Variants in SNX29 observed in about 807,000 individuals in gnomAD.
SNX29 encodes the protein sorting nexin-29.
In SNX29, 78 loss-of-function variants were observed where a neutral mutation model predicts 102.1. The observed-to-expected ratio is 0.76, with a 90% CI of 0.64 to 0.92. The LOEUF is 0.92. Among genes scored for constraint, SNX29 ranks in the 40% least tolerant of loss-of-function variants. The probability of loss-of-function intolerance (pLI) is 0.00; values close to 1 mark genes in which losing one functional copy is unlikely to be tolerated. For synonymous variants in SNX29, 580 were observed against 414.5 expected (o/e 1.40, Z -4.85); for missense variants, 1,280 against 1,061.7 (o/e 1.21, Z -2.86).
At chr16:12,543,745 C>G (rs1207969394) in intron 20 of SNX29, among the ~76,000 whole-genome samples, 2 of 152,186 alleles carry the variant, frequency 1.3e-5, no homozygotes, top group African/African-American at 4.8e-5. Context: ...GTGGAGTTGA[C>G]TGGGGGAGAT....
At chr16:12,543,097 G>C (rs547426292) in intron 20 of SNX29, among the ~76,000 whole-genome samples, 1 of 152,240 alleles carries the variant, frequency 6.6e-6, no homozygotes, top group Non-Finnish European at 1.5e-5. Context: ...CTGGTGGAAA[G>C]ATGGATCCTG....
chr16:12,088,197 C>A, intron 11 of SNX29: 1 of 443,262 alleles, frequency 2.3e-6, no homozygotes, highest in Non-Finnish European at 4.5e-6. Context: ...TAGAGAGAGA[C>A]AGGAGAGGCA....
intron 14 of SNX29, among the ~76,000 whole-genome samples, chr16:12,239,639 C>CAAAAAAAAAAAAAAAAAAAA (rs61024203): frequency 1.6e-5 from 1 of 62,568 alleles, no homozygotes; most frequent in African/African-American, 6.3e-5. Context: ...CCTGTTTCTA[C>CAAAAAAAAAAAAAAAAAAAA]AAAAAAAAAA....
At chr16:12,562,235 G>A (rs538129450) in intron 20 of SNX29, among the ~76,000 whole-genome samples, 1 of 152,278 alleles carries the variant, frequency 6.6e-6, no homozygotes, top group African/African-American at 2.4e-5. Flanking sequence ...GTTCAGAAGT[G>A]AAGGGCGAGG....
chr16:12,518,721 A>T (rs1159867599), intron 19 of SNX29, among the ~76,000 whole-genome samples: 1 of 152,194 alleles, frequency 6.6e-6, no homozygotes, highest in Admixed American at 6.5e-5. Context: ...AGCACCTGTC[A>T]CAGGCCTGGT....
chr16:12,571,751 C>T lies in SNX29; in HGVS notation c.*3122C>T, dbSNP rs1165973782. ...GCTGCTAGAAACCTAGCCCAACCAT[C>T]CACTCCTGATCTGAGACAGAACCTT... On this transcript the variant is annotated 3_prime_UTR_variant, in exon 21 of 21. Coordinates refer to ENST00000566228, the MANE Select transcript of SNX29 (RefSeq NM_032167.5). 3.0e-6 allele frequency: 3 copies of T among 1,016,236 alleles called. No individual in the cohort carries two copies. Among genetic ancestry groups the T allele is most frequent in the Admixed American group, 5.4e-5 (1 of 18,548 alleles). The allele number at this position is 1,016,236 out of a possible 1,614,324, so 63.0% of individuals were successfully genotyped here.
At chr16:12,224,507 G>A (rs1158018752) in intron 14 of SNX29, among the ~76,000 whole-genome samples, 2 of 152,166 alleles carry the variant, frequency 1.3e-5, no homozygotes, top group Admixed American at 6.5e-5. Context: ...CTGGAGCACC[G>A]TGTGGAGCTC....
intron 14 of SNX29, among the ~76,000 whole-genome samples, chr16:12,245,235 C>G (rs141143298): frequency 6.6e-6 from 1 of 152,072 alleles, no homozygotes; most frequent in Admixed American, 6.6e-5. Flanking sequence ...GCTGTGTGAC[C>G]TCAGCTGAGT....
At chr16:12,510,416 A>G (rs1415708653) in intron 19 of SNX29, among the ~76,000 whole-genome samples, 2 of 152,112 alleles carry the variant, frequency 1.3e-5, no homozygotes, top group African/African-American at 4.8e-5. Context: ...GCTTAGGCCT[A>G]TACAACCAGC....
At chr16:12,185,203 A>C (rs1317827581) in intron 13 of SNX29, among the ~76,000 whole-genome samples, 2 of 152,166 alleles carry the variant, frequency 1.3e-5, no homozygotes, top group Non-Finnish European at 2.9e-5. Flanking sequence ...GGGGCCAGGT[A>C]GATAACGGAA....
chr16:12,377,624 G>T (rs142743047), intron 16 of SNX29, among the ~76,000 whole-genome samples: 2 of 152,146 alleles, frequency 1.3e-5, no homozygotes, highest in Non-Finnish European at 2.9e-5. Flanking sequence ...AGATGTGTGC[G>T]CCCGGTACGT....
At chr16:12,481,558 C>T (rs921378349) in intron 19 of SNX29, among the ~76,000 whole-genome samples, 1 of 142,624 alleles carries the variant, frequency 7.0e-6, no homozygotes, top group East Asian at 2.2e-4. Flanking sequence ...ACACACACCC[C>T]AAATGTCACC....
At position 12,357,207 on chromosome 16, in the gene SNX29, C is replaced by G. The variant is rs572718981; in HGVS notation, c.1899+928C>G. Among the ~76,000 whole-genome samples the G allele has an allele frequency of 3.6e-4, 55 of 152,322 alleles. 1 individual carries two copies. Among genetic ancestry groups the G allele is most frequent in the African/African-American group, 1.3e-3 (55 of 41,570 alleles). ...TAATGCACGCTCATATATCCTTTGTCAGGGTGAACAATTATCCGTCACGGC... is the reference window on the plus strand; with the variant it reads ...TAATGCACGCTCATATATCCTTTGTGAGGGTGAACAATTATCCGTCACGGC... On this transcript the variant is annotated intron_variant, in intron 16 of 20. Transcript: ENST00000566228.
intron 13 of SNX29, among the ~76,000 whole-genome samples, chr16:12,182,041 G>A (rs574094902): frequency 9.0e-4 from 137 of 152,014 alleles, no homozygotes; most frequent in African/African-American, 3.0e-3. Context: ...GCGCCACCAC[G>A]CCTGGTTAAT....
intron 3 of SNX29, among the ~76,000 whole-genome samples, chr16:12,024,251 G>C (rs1334580323): frequency 1.3e-5 from 2 of 151,760 alleles, no homozygotes; most frequent in Admixed American, 6.6e-5. Context: ...TGATGCTCCT[G>C]CCTCAGCCTC....
Position 12,573,782 on chromosome 16 carries a change from A to G in SNX29, c.*5153A>G, listed in dbSNP as rs531078424. The G allele has an allele frequency of 9.4e-4, 209 of 222,504 alleles. 1 individual carries two copies. Among genetic ancestry groups the G allele is most frequent in the African/African-American group, 4.5e-3 (201 of 44,778 alleles). 13.8% of individuals were successfully genotyped at this position (222,504 alleles called of 1,614,324 possible). On this transcript the variant is annotated 3_prime_UTR_variant, in exon 21 of 21. Coordinates refer to ENST00000566228, the MANE Select transcript of SNX29 (RefSeq NM_032167.5). ...ACGCTCAGTGACCCCAGAGACCATT[A>G]ATTTCCCGGAGTGAAGGGGATGGGG... is the stretch of plus-strand genomic sequence containing the variant.
chr16:12,572,305 CCA>C lies in SNX29; in HGVS notation c.*3677_*3678del. 1 of 911,626 alleles carries C rather than the reference CCA, an allele frequency of 1.1e-6. No individual in the cohort carries two copies. The highest frequency in any genetic ancestry group is 1.2e-6 in the Non-Finnish European group (1 of 810,350). The allele number at this position is 911,626 out of a possible 1,614,324, so 56.5% of individuals were successfully genotyped here. ...AAGTACTGGGGCCAGTGATCACAAT[CCA>C]GGTTGGAAACAGGAGTGAAGCCCAC... On this transcript the variant is annotated 3_prime_UTR_variant, in exon 21 of 21. Transcript: ENST00000566228.
intron 19 of SNX29, among the ~76,000 whole-genome samples, chr16:12,511,636 G>T (rs972308959): frequency 6.6e-6 from 1 of 152,150 alleles, no homozygotes; most frequent in Non-Finnish European, 1.5e-5. Flanking sequence ...GTAGATGCGC[G>T]ATCAGGTTTT....
intron 19 of SNX29, among the ~76,000 whole-genome samples, chr16:12,480,324 G>C (rs1393926873): frequency 1.3e-5 from 2 of 152,106 alleles, no homozygotes; most frequent in Admixed American, 1.3e-4. Flanking sequence ...AGCTTCTCAA[G>C]GCCACCCTCA....
Sources: gnomAD v4.1 joint callset for allele counts (sites outside exome capture counted in the v4.1 genomes callset) on GRCh38, gnomAD v4.1.1 for gene constraint, MANE v1.5 for transcripts, NCBI Gene and HGNC (gene_info 2026-07-23, HGNC 2026-07-21) for gene names.